ESRRG: variants seen among roughly 807,000 people sequenced by gnomAD.
The protein encoded by ESRRG is estrogen-related receptor gamma.
In ESRRG, 13 loss-of-function variants were observed where a neutral mutation model predicts 44.0. The ratio of observed to expected loss-of-function variants is 0.30; its 90% CI spans 0.19 to 0.47. ESRRG has a LOEUF of 0.47. ESRRG is among the 20% of genes least tolerant of loss of function. The pLI is 1.00. For synonymous variants in ESRRG, 215 were observed against 214.6 expected, an observed-to-expected ratio of 1.00 and a Z score of -0.02; for missense variants, 395 against 580.6, an observed-to-expected ratio of 0.68 and a Z score of 3.29.
At chr1:217,089,827 C>A (rs944450057), upstream of ESRRG, among the ~76,000 whole-genome samples, 4 of 152,122 alleles carry the variant, frequency 2.6e-5, no homozygotes, top group African/African-American at 9.7e-5. Flanking sequence ...CCACGGCTAG[C>A]CGGAGCGCCA....
intron 1 of ESRRG, among the ~76,000 whole-genome samples, chr1:216,712,845 A>C (rs1272613294): frequency 6.6e-6 from 1 of 152,228 alleles, no homozygotes; most frequent in Non-Finnish European, 1.5e-5. Context: ...TTTTTAGTGA[A>C]AATTTAATAA....
chr1:216,799,471 C>A (rs1044620578), intron 2 of ESRRG, among the ~76,000 whole-genome samples: 3 of 144,510 alleles, frequency 2.1e-5, no homozygotes, highest in African/African-American at 7.4e-5. Context: ...CAGGGAGGCA[C>A]AATGAAGAGG....
intron 1 of ESRRG, among the ~76,000 whole-genome samples, chr1:217,021,682 G>A (rs2080346857): frequency 6.6e-6 from 1 of 152,184 alleles, no homozygotes; most frequent in Non-Finnish European, 1.5e-5. Context: ...TGTAATGAGA[G>A]CAAATCAGGC....
Position 216,507,196 on chromosome 1 carries a change from G to A in ESRRG, c.1133-13C>T, listed in dbSNP as rs1409522115. ...ATGTGCATGGAGTCTGTGCAATGAA[G>A]CAAAAGATATGAGTAATTATAATAA... On this transcript the variant is annotated splice_polypyrimidine_tract_variant and intron_variant, in intron 6 of 6. Coordinates refer to ENST00000408911, the MANE Select transcript of ESRRG (RefSeq NM_001438.4). The A allele has an allele frequency of 6.4e-7, 1 of 1,562,886 alleles. No homozygotes were observed. The highest frequency in any genetic ancestry group is 1.9e-5 in the Admixed American group (1 of 53,258).
intron 1 of ESRRG, among the ~76,000 whole-genome samples, chr1:217,011,692 C>T (rs929584414): frequency 6.6e-6 from 1 of 152,178 alleles, no homozygotes; most frequent in African/African-American, 2.4e-5. Context: ...ACACACCTCA[C>T]TGTGGGTACC....
intron 5 of ESRRG, among the ~76,000 whole-genome samples, chr1:216,557,327 A>G (rs1473605919): frequency 6.6e-6 from 1 of 152,182 alleles, no homozygotes; most frequent in African/African-American, 2.4e-5. Context: ...AACTTGTTAT[A>G]AAACAGAAGT....
At chr1:217,064,062 TAC>T (rs76024891) in intron 1 of ESRRG, among the ~76,000 whole-genome samples, 24,821 of 151,232 alleles carry the variant, frequency 0.16, 2,615 homozygotes, top group Non-Finnish European at 0.24. Context: ...ACACCCTATA[TAC>T]ATATATATTT....
intron 1 of ESRRG, among the ~76,000 whole-genome samples, chr1:217,009,052 T>C (rs921304455): frequency 3.3e-5 from 5 of 152,196 alleles, no homozygotes; most frequent in Admixed American, 6.5e-5. Context: ...TTCTTCATGG[T>C]AAAAAATATT....
chr1:216,952,779 C>A (rs1359042854), intron 1 of ESRRG, among the ~76,000 whole-genome samples: 3 of 152,034 alleles, frequency 2.0e-5, no homozygotes, highest in Non-Finnish European at 4.4e-5. Context: ...TAATTTTAAA[C>A]TTCTTGCAAC....
intron 2 of ESRRG, among the ~76,000 whole-genome samples, chr1:216,770,835 T>C (rs1559567169): frequency 6.6e-6 from 1 of 152,092 alleles, no homozygotes; most frequent in African/African-American, 2.4e-5. Flanking sequence ...GACCTGTCTA[T>C]CCGTTTATCT....
chr1:217,039,040 G>A lies in ESRRG; in HGVS notation c.-106+50467C>T, dbSNP rs12076397. Among the ~76,000 whole-genome samples the A allele has an allele frequency of 9.1e-3, 1,386 of 151,960 alleles. 21 individuals carry two copies. Among genetic ancestry groups the A allele is most frequent in the African/African-American group, 0.032 (1,310 of 41,236 alleles). On this transcript the variant is annotated intron_variant, in intron 1 of 7. Coordinates refer to the ESRRG transcript ENST00000359162. Reference sequence around the variant, plus strand: ...GGGACAAAATGTTGCCAGTCTCTTTGCTAAAACAGAAAAAGAGTCACGTTT... The same window carrying A: ...GGGACAAAATGTTGCCAGTCTCTTTACTAAAACAGAAAAAGAGTCACGTTT...
intron 2 of ESRRG, among the ~76,000 whole-genome samples, chr1:216,920,744 C>T (rs998197041): frequency 2.6e-5 from 4 of 152,152 alleles, no homozygotes; most frequent in African/African-American, 9.7e-5. Context: ...CAATATGATC[C>T]AGCAGATAAC....
intron 3 of ESRRG, among the ~76,000 whole-genome samples, chr1:216,601,197 G>C (rs2059189304): frequency 1.3e-5 from 2 of 152,168 alleles, no homozygotes; most frequent in Admixed American, 1.3e-4. Context: ...GGCTCTGCTC[G>C]CTCCATGGAC....
intron 2 of ESRRG, among the ~76,000 whole-genome samples, chr1:216,814,152 A>G (rs1204958938): frequency 2.6e-5 from 4 of 152,130 alleles, no homozygotes; most frequent in Admixed American, 1.3e-4. Flanking sequence ...TCCCCACCAC[A>G]ATGCTATTGT....
At chr1:216,732,422 G>C (rs2089008353) in intron 2 of ESRRG, among the ~76,000 whole-genome samples, 2 of 151,328 alleles carry the variant, frequency 1.3e-5, no homozygotes, top group African/African-American at 2.4e-5. Flanking sequence ...TGTCGCCCAG[G>C]CTGGTGTGCA....
intron 3 of ESRRG, among the ~76,000 whole-genome samples, chr1:216,594,366 C>A (rs2150048768): frequency 6.6e-6 from 1 of 152,226 alleles, no homozygotes; most frequent in African/African-American, 2.4e-5. Flanking sequence ...ATTTAAATTT[C>A]TTTGAATACT....
At chr1:216,812,629 T>C (rs2095011227) in intron 2 of ESRRG, among the ~76,000 whole-genome samples, 1 of 152,228 alleles carries the variant, frequency 6.6e-6, no homozygotes. Context: ...TTCTTAGAAA[T>C]AAATTTGGTA....
chr1:216,653,341 C>T (rs375670701), intron 2 of ESRRG, among the ~76,000 whole-genome samples: 5 of 152,310 alleles, frequency 3.3e-5, no homozygotes, highest in African/African-American at 1.2e-4. Context: ...TGTCATCTTC[C>T]TTTCCCTAGG....
intron 1 of ESRRG, among the ~76,000 whole-genome samples, chr1:216,710,214 G>A (rs2083319676): frequency 6.6e-6 from 1 of 152,292 alleles, no homozygotes; most frequent in South Asian, 2.1e-4. Flanking sequence ...TGTTAATCCT[G>A]TTTTATGTTG....
Sources: allele counts gnomAD v4.1 joint callset (sites outside exome capture counted in the v4.1 genomes callset), GRCh38; gene constraint gnomAD v4.1.1; transcripts MANE v1.5; gene names NCBI Gene and HGNC (gene_info 2026-07-23, HGNC 2026-07-21).